Variants in SLC26A7 observed in about 807,000 individuals in gnomAD.
SLC26A7 encodes solute carrier family 26 member 7.
Under a neutral mutation model 82.5 loss-of-function variants are expected in SLC26A7, and 59 were observed. That is an observed-to-expected ratio of 0.72 (90% CI 0.58 to 0.89). The LOEUF is 0.89. Among genes scored for constraint, SLC26A7 ranks in the 40% least tolerant of loss-of-function variants. The pLI, the probability that SLC26A7 is intolerant of heterozygous loss-of-function variation, is 0.00. For missense variants in SLC26A7, 820 were observed against 793.0 expected (o/e 1.03, Z -0.41); for synonymous variants, 271 against 274.3 (o/e 0.99, Z 0.12).
At chr8:91,280,371 G>T (rs1407909134) in intron 2 of SLC26A7, among the ~76,000 whole-genome samples, 1 of 152,156 alleles carries the variant, frequency 6.6e-6, no homozygotes, top group East Asian at 1.9e-4. Context: ...CTCAAAACTT[G>T]TAAGAAAACA....
At chr8:91,293,920 G>A (rs1415171317) in intron 3 of SLC26A7, among the ~76,000 whole-genome samples, 2 of 152,122 alleles carry the variant, frequency 1.3e-5, no homozygotes, top group Non-Finnish European at 2.9e-5. Flanking sequence ...ATTCTATGGT[G>A]AATATTCTCT....
chr8:91,372,961 C>G (rs977127921), intron 15 of SLC26A7, among the ~76,000 whole-genome samples: 10 of 151,684 alleles, frequency 6.6e-5, no homozygotes, highest in African/African-American at 2.4e-4. Flanking sequence ...AAATGTGTTC[C>G]TAGGTATTTT....
chr8:91,365,106 A>G (rs1034538837), intron 13 of SLC26A7, among the ~76,000 whole-genome samples: 1 of 152,038 alleles, frequency 6.6e-6, no homozygotes, highest in Non-Finnish European at 1.5e-5. Flanking sequence ...AGTGAATTCA[A>G]CCCCACTGAT....
chr8:91,256,516 G>A (rs911773295), intron 2 of SLC26A7, among the ~76,000 whole-genome samples: 3 of 152,090 alleles, frequency 2.0e-5, no homozygotes, highest in Non-Finnish European at 4.4e-5. Flanking sequence ...CTTTTAGGAA[G>A]CCAAAACTTC....
intron 8 of SLC26A7, among the ~76,000 whole-genome samples, chr8:91,341,669 T>C (rs1294852334): frequency 1.3e-5 from 2 of 152,180 alleles, no homozygotes; most frequent in African/African-American, 4.8e-5. Flanking sequence ...TTTCTTTTAC[T>C]CGAAACTTCC....
At chr8:91,211,814 G>A (rs1324238462) in intron 1 of SLC26A7, among the ~76,000 whole-genome samples, 1 of 151,592 alleles carries the variant, frequency 6.6e-6, no homozygotes, top group Non-Finnish European at 1.5e-5. Context: ...GCTTCTTATG[G>A]GGTTTACACT....
At chr8:91,372,688 C>A (rs182537341) in intron 15 of SLC26A7, among the ~76,000 whole-genome samples, 2 of 151,822 alleles carry the variant, frequency 1.3e-5, no homozygotes, top group Admixed American at 1.3e-4. Flanking sequence ...TTATTCTTTT[C>A]CCTTTAGGGT....
chr8:91,308,246 G>GATGT (rs561442233), intron 4 of SLC26A7, among the ~76,000 whole-genome samples: 4 of 145,652 alleles, frequency 2.7e-5, no homozygotes, highest in African/African-American at 1.0e-4. Context: ...AGGAGGAAGA[G>GATGT]GTGTGTGTGT....
upstream of SLC26A7, among the ~76,000 whole-genome samples, chr8:91,246,359 A>C (rs1193273660): frequency 6.6e-6 from 1 of 152,248 alleles, no homozygotes; most frequent in East Asian, 1.9e-4. Flanking sequence ...CACATGAAAT[A>C]GATTTAAAGG....
chr8:91,249,930 C>T, intron 2 of SLC26A7, 86 bp downstream of exon 2: 1 of 1,021,384 alleles, frequency 9.8e-7, no homozygotes, highest in Non-Finnish European at 1.3e-6. Flanking sequence ...CTAGAATAAA[C>T]AATTTAGCTA....
chr8:91,392,574 T>A (rs1178273809), intron 16 of SLC26A7, among the ~76,000 whole-genome samples: 1 of 152,222 alleles, frequency 6.6e-6, no homozygotes, highest in Non-Finnish European at 1.5e-5. Flanking sequence ...CCAGCCACCA[T>A]GGAAGAAGGT....
intron 11 of SLC26A7, among the ~76,000 whole-genome samples, chr8:91,355,417 GTTC>G (rs1318183984): frequency 3.3e-5 from 5 of 151,500 alleles, no homozygotes; most frequent in South Asian, 2.1e-4. Context: ...TTTTTACTTT[GTTC>G]TTCTTCATAT....
At chr8:91,383,933 A>T (rs1461847428) in intron 15 of SLC26A7, among the ~76,000 whole-genome samples, 1 of 152,224 alleles carries the variant, frequency 6.6e-6, no homozygotes, top group African/African-American at 2.4e-5. Flanking sequence ...TGAATGCTGG[A>T]TATTCAAGGA....
chr8:91,366,455 T>C (rs1158302063), intron 13 of SLC26A7, 125 bp from the exon 14 acceptor site: 1 of 1,034,224 alleles, frequency 9.7e-7, no homozygotes, highest in African/African-American at 1.6e-5. Context: ...GGCCTCTAAA[T>C]ACATTTTAGT....
chr8:91,236,719 A>G (rs764185550), intron 2 of SLC26A7, among the ~76,000 whole-genome samples: 19 of 152,218 alleles, frequency 1.2e-4, no homozygotes, highest in Non-Finnish European at 1.9e-4. Flanking sequence ...TAATAAACAT[A>G]TCATTTATAG....
chr8:91,373,682 A>T (rs1563706564), intron 15 of SLC26A7, among the ~76,000 whole-genome samples: 1 of 151,666 alleles, frequency 6.6e-6, no homozygotes, highest in East Asian at 1.9e-4. Context: ...GGCCTTTAGT[A>T]CTACTTTTTT....
At chr8:91,369,119 C>T (rs566873682) in intron 14 of SLC26A7, among the ~76,000 whole-genome samples, 2 of 152,272 alleles carry the variant, frequency 1.3e-5, no homozygotes, top group South Asian at 4.1e-4. Flanking sequence ...TGTGACTTTG[C>T]TGAAGTTATT....
At position 91,351,907 on chromosome 8, in the gene SLC26A7, C is replaced by T. The variant is rs372050304; in HGVS notation, c.1218+20C>T. The T allele has an allele frequency of 1.6e-5, 25 of 1,537,166 alleles. No individual in the cohort carries two copies. In the African/African-American group the frequency reaches 2.7e-4, roughly 17 times the overall value. ...CCCATGGTACGGTAGTGCTTTTTCA[C>T]TATCTACTTTTTAATTTAACTTTTC... On this transcript the variant is annotated intron_variant, in intron 10 of 18. Transcript: ENST00000276609.
At chr8:91,211,391 A>G (rs1809914663) in intron 1 of SLC26A7, among the ~76,000 whole-genome samples, 1 of 151,632 alleles carries the variant, frequency 6.6e-6, no homozygotes, top group Non-Finnish European at 1.5e-5. Context: ...ATTGATAAAG[A>G]AAATTGAGAT....
Sources: gnomAD v4.1 joint callset for allele counts (sites outside exome capture counted in the v4.1 genomes callset) on GRCh38, gnomAD v4.1.1 for gene constraint, MANE v1.5 for transcripts, NCBI Gene and HGNC (gene_info 2026-07-23, HGNC 2026-07-21) for gene names.